The following SV2B variants were observed in gnomAD, a reference collection of about 807,000 sequenced individuals.
SV2B encodes synaptic vesicle glycoprotein 2B, also known as solute carrier family 22 member B2.
SV2B carries 41 observed loss-of-function variants against 73.9 expected under a neutral mutation model. That is an observed-to-expected ratio of 0.56 (90% CI 0.43 to 0.72). The LOEUF is 0.72. Ranked by LOEUF, SV2B falls within the 30% of genes least tolerant of loss-of-function variation. The probability of loss-of-function intolerance (pLI) is 0.00; values close to 1 mark genes in which losing one functional copy is unlikely to be tolerated. For synonymous variants in SV2B, 314 were observed against 314.2 expected, an observed-to-expected ratio of 1.00 and a Z score of 0.01; for missense variants, 764 against 857.8, an observed-to-expected ratio of 0.89 and a Z score of 1.37.
chr15:91,152,794 T>G (rs1038260089), intron 1 of SV2B, among the ~76,000 whole-genome samples: 1 of 152,216 alleles, frequency 6.6e-6, no homozygotes, highest in Admixed American at 6.5e-5. Flanking sequence ...CAGCACCAAC[T>G]AAGACTTTCT....
intron 6 of SV2B, among the ~76,000 whole-genome samples, chr15:91,263,647 A>AACACACAGACACAGGC (rs1330360352): frequency 6.9e-6 from 1 of 144,410 alleles, no homozygotes; most frequent in Non-Finnish European, 1.5e-5. Context: ...CATTAAGACA[A>AACACACAGACACAGGC]ACACACAGAC....
rs1212492770 is a variant in SV2B at position 91,214,337 on chromosome 15, A to G, written c.-391-11536A>G. Among the ~76,000 whole-genome samples, 1 of 152,166 alleles carries G rather than the reference A, an allele frequency of 6.6e-6. No homozygotes were observed. The highest frequency in any genetic ancestry group is 2.4e-5 in the African/African-American group (1 of 41,444). On this transcript the variant is annotated intron_variant, in intron 1 of 12. Transcript: ENST00000394232. This position sits in a 1 kb window ranked among gnomAD's most constrained non-coding sequence, Gnocchi z 4.7. Reference sequence around the variant, plus strand: ...CGTTGTCCTTTAGAGTGTGGTATGCATCTCTGCAGGAATTAGGGAATACCT... The same window carrying G: ...CGTTGTCCTTTAGAGTGTGGTATGCGTCTCTGCAGGAATTAGGGAATACCT...
At chr15:91,286,142 C>A (rs546149011) in intron 11 of SV2B, among the ~76,000 whole-genome samples, 1 of 152,198 alleles carries the variant, frequency 6.6e-6, no homozygotes, top group Non-Finnish European at 1.5e-5. Context: ...TTCTTTGTCT[C>A]TCTACCCTTC....
intron 1 of SV2B, among the ~76,000 whole-genome samples, chr15:91,201,721 C>A (rs1484200807): frequency 1.3e-5 from 2 of 152,228 alleles, no homozygotes; most frequent in African/African-American, 4.8e-5. Context: ...TTGTTGCTAT[C>A]ACATCTTTTA....
chr15:91,193,825 G>A (rs1044405803), intron 1 of SV2B, among the ~76,000 whole-genome samples: 1 of 152,170 alleles, frequency 6.6e-6, no homozygotes. Flanking sequence ...CTCAGGGACA[G>A]CAGTCCAGAA....
In SV2B at chr15:91,130,151, T is replaced by C. The variant is rs772607507; in HGVS notation, c.-392+29788T>C. ...GAGAGATGGATGAGATGATTCTTAA[T>C]GCTGAGATGAAACGGCTAGGACTTG... On this transcript the variant is annotated intron_variant, in intron 1 of 12. Transcript: ENST00000394232. This position sits in a 1 kb window ranked among gnomAD's most constrained non-coding sequence, Gnocchi z 5.6. Among the ~76,000 whole-genome samples the C allele has an allele frequency of 1.3e-5, 2 of 152,222 alleles. No individual in the cohort carries two copies. The highest frequency in any genetic ancestry group is 3.9e-4 in the East Asian group (2 of 5,178).
chr15:91,250,906 C>T (rs967480579), intron 2 of SV2B, among the ~76,000 whole-genome samples: 5 of 152,104 alleles, frequency 3.3e-5, no homozygotes, highest in Non-Finnish European at 7.4e-5. Flanking sequence ...GATTCAATGC[C>T]GTCCCTATCA....
chr15:91,257,161 A>G (rs1409578268), intron 4 of SV2B, among the ~76,000 whole-genome samples: 1 of 152,122 alleles, frequency 6.6e-6, no homozygotes, highest in Non-Finnish European at 1.5e-5. Flanking sequence ...ATATTTATCT[A>G]TTTTATTCAA....
chr15:91,211,573 G>A (rs1431529776), intron 1 of SV2B, among the ~76,000 whole-genome samples: 2 of 148,766 alleles, frequency 1.3e-5, no homozygotes, highest in East Asian at 2.0e-4. Context: ...GCGCAGTCTC[G>A]GCTCACTGCA....
Position 91,136,493 on chromosome 15 carries a change from C to T in SV2B, c.-392+36130C>T, listed in dbSNP as rs1419256887. On this transcript the variant is annotated intron_variant, in intron 1 of 12. Transcript: ENST00000394232. This position sits in a 1 kb window ranked among gnomAD's most constrained non-coding sequence, Gnocchi z 5.6. Reference sequence around the variant, plus strand: ...GCCCATGCGTCTCGGGTGCTTTGTCCCAGGGAGAGAACTGTGCGGCGGAGT... The same window carrying T: ...GCCCATGCGTCTCGGGTGCTTTGTCTCAGGGAGAGAACTGTGCGGCGGAGT... Among the ~76,000 whole-genome samples the T allele has an allele frequency of 6.6e-6, 1 of 152,156 alleles. No homozygotes were observed. Among genetic ancestry groups the T allele is most frequent in the Non-Finnish European group, 1.5e-5 (1 of 68,040 alleles).
chr15:91,195,077 G>A (rs1046135794), intron 1 of SV2B, among the ~76,000 whole-genome samples: 11 of 152,138 alleles, frequency 7.2e-5, no homozygotes, highest in African/African-American at 2.4e-4. Flanking sequence ...TGACATAGGG[G>A]CTTCTTGTTA....
chr15:91,205,811 T>C (rs1264191986), intron 1 of SV2B, among the ~76,000 whole-genome samples: 1 of 152,222 alleles, frequency 6.6e-6, no homozygotes, highest in Admixed American at 6.5e-5. Flanking sequence ...TCATTTAGTC[T>C]AGGTTTGAAT....
At position 91,252,392 on chromosome 15, in the gene SV2B, T is replaced by G; in HGVS notation, c.656T>G (p.Val219Gly). 4 of 1,613,016 alleles carry G rather than the reference T, an allele frequency of 2.5e-6. No individual in the cohort carries two copies. Among genetic ancestry groups the G allele is most frequent in the Non-Finnish European group, 3.4e-6 (4 of 1,179,578 alleles). Residue 219 changes from valine (V) to glycine (G), a missense_variant, in exon 4 of 13, where the codon GTT becomes GGT. Physicochemically the swap from Val to Gly is moderately radical, Grantham distance 109. Transcript: ENST00000394232. The surrounding 1 kb of genome is among the most constrained non-coding windows in gnomAD (Gnocchi z 4.6). ...GIGIGGALPI[V>G]FAYFSEFLSR... The stretch of plus-strand genomic sequence containing the variant: ...AGTATTGGGGGTGCTCTACCGATTG[T>G]TTTTGCCTATTTTTCTGAATTCTTG...
At chr15:91,144,415 A>AT (rs149575627) in intron 1 of SV2B, among the ~76,000 whole-genome samples, 29,094 of 151,874 alleles carry the variant, frequency 0.19, 3,231 homozygotes, top group Non-Finnish European at 0.26. Context: ...AACATTCATG[A>AT]TTTTTTTTTA....
In SV2B at chr15:91,245,924, T is replaced by C. The variant is rs1418329855; in HGVS notation, c.452-5895T>C. 6.6e-6 allele frequency among the ~76,000 whole-genome samples: 1 copy of C among 152,064 alleles called. No individual in the cohort carries two copies. Among genetic ancestry groups the C allele is most frequent in the African/African-American group, 2.4e-5 (1 of 41,396 alleles). ...ATGATGTGACAGAGACCATAGAAGA[T>C]TGGCAAAGTACATTTTACAAGTAAA... On this transcript the variant is annotated intron_variant, in intron 2 of 12. Coordinates refer to ENST00000394232, the MANE Select transcript of SV2B (RefSeq NM_001323032.3). This position sits in a 1 kb window ranked among gnomAD's most constrained non-coding sequence, Gnocchi z 4.2.
intron 1 of SV2B, among the ~76,000 whole-genome samples, chr15:91,189,870 T>C (rs974382010): frequency 3.9e-5 from 6 of 151,902 alleles, no homozygotes; most frequent in African/African-American, 1.4e-4. Flanking sequence ...CGCCTGTAGT[T>C]CCAGCTACTC....
At chr15:91,147,965 C>CCTTTTT (rs2043194835) in intron 1 of SV2B, among the ~76,000 whole-genome samples, 1 of 39,258 alleles carries the variant, frequency 2.5e-5, no homozygotes, top group African/African-American at 1.0e-4. Context: ...CCCCCCCCAA[C>CCTTTTT]TTTTTTTTTT....
At position 91,197,812 on chromosome 15, in the gene SV2B, T is replaced by G. The variant is rs1186751217; in HGVS notation, c.-391-28061T>G. Reference sequence around the variant, plus strand: ...ACTTTGGGAGGCCGAGATGGGTGGATCACCTGAGGTCAGGAGTTCCAGATC... The same window carrying G: ...ACTTTGGGAGGCCGAGATGGGTGGAGCACCTGAGGTCAGGAGTTCCAGATC... On this transcript the variant is annotated intron_variant, in intron 1 of 12. Coordinates refer to ENST00000394232, the MANE Select transcript of SV2B (RefSeq NM_001323032.3). This position sits in a 1 kb window ranked among gnomAD's most constrained non-coding sequence, Gnocchi z 4.9. Among the ~76,000 whole-genome samples the G allele has an allele frequency of 6.6e-6, 1 of 152,000 alleles. No homozygotes were observed. Among genetic ancestry groups the G allele is most frequent in the Non-Finnish European group, 1.5e-5 (1 of 68,000 alleles).
At chr15:91,255,662 A>G (rs2047662359) in intron 4 of SV2B, among the ~76,000 whole-genome samples, 1 of 152,200 alleles carries the variant, frequency 6.6e-6, no homozygotes, top group Admixed American at 6.5e-5. Flanking sequence ...TGGACAGGAC[A>G]TTTCCCTATG....
Sources: gnomAD v4.1 joint callset for allele counts (sites outside exome capture counted in the v4.1 genomes callset) on GRCh38, gnomAD v4.1.1 for gene constraint, Gnocchi (gnomAD v3.1) non-coding constraint, MANE v1.5 for transcripts, NCBI Gene and HGNC (gene_info 2026-07-23, HGNC 2026-07-21) for gene names.